PTPRT: variants seen among roughly 807,000 people sequenced by gnomAD.
The protein encoded by PTPRT is protein tyrosine phosphatase receptor type T, also known as receptor-type tyrosine-protein phosphatase T.
In PTPRT, 56 loss-of-function variants were observed where a neutral mutation model predicts 176.8. That is an observed-to-expected ratio of 0.32 (90% confidence interval 0.26 to 0.40). PTPRT has a LOEUF of 0.40. Ranked by LOEUF, PTPRT falls within the 10% of genes least tolerant of loss-of-function variation. The pLI is 1.00. For synonymous variants in PTPRT, 783 were observed against 739.0 expected (o/e 1.06, Z -0.96); for missense variants, 1,540 against 1,908.2 (o/e 0.81, Z 3.60).
intron 6 of PTPRT, among the ~76,000 whole-genome samples, chr20:42,710,393 C>G (rs961379383): frequency 1.3e-5 from 2 of 152,190 alleles, no homozygotes; most frequent in Non-Finnish European, 2.9e-5. Flanking sequence ...CCTGCCCAGC[C>G]TCAGGACACT....
chr20:43,029,005 G>C (rs1986030925), intron 1 of PTPRT, among the ~76,000 whole-genome samples: 1 of 152,142 alleles, frequency 6.6e-6, no homozygotes, highest in South Asian at 2.1e-4. Context: ...GCATCTTCAA[G>C]TCAGGGCAGG....
chr20:42,948,238 G>T (rs1358173092), intron 1 of PTPRT, among the ~76,000 whole-genome samples: 1 of 152,050 alleles, frequency 6.6e-6, no homozygotes, highest in Non-Finnish European at 1.5e-5. Flanking sequence ...CTCAACAACA[G>T]CCTTTTCCCA....
chr20:42,497,312 C>CA (rs1310319758), intron 7 of PTPRT, among the ~76,000 whole-genome samples: 4 of 151,994 alleles, frequency 2.6e-5, no homozygotes, highest in Non-Finnish European at 5.9e-5. Flanking sequence ...TTTTCCCCCC[C>CA]AGAATAAGGC....
At chr20:42,113,312 G>T (rs1330018731) in intron 22 of PTPRT, among the ~76,000 whole-genome samples, 1 of 152,214 alleles carries the variant, frequency 6.6e-6, no homozygotes, top group Non-Finnish European at 1.5e-5. Context: ...CTCCCTGCCC[G>T]TGTCGCCAGT....
intron 2 of PTPRT, among the ~76,000 whole-genome samples, chr20:42,863,891 C>T (rs911016966): frequency 6.6e-6 from 1 of 152,212 alleles, no homozygotes; most frequent in Non-Finnish European, 1.5e-5. Context: ...TCCAGCCCCA[C>T]CTCTGCAGCT....
At chr20:43,106,493 C>T (rs2012608446) in intron 1 of PTPRT, among the ~76,000 whole-genome samples, 1 of 151,746 alleles carries the variant, frequency 6.6e-6, no homozygotes, top group Non-Finnish European at 1.5e-5. Context: ...CCCATCTCTA[C>T]TAAAAATACA....
chr20:42,175,088 T>C (rs1425832934), intron 16 of PTPRT, among the ~76,000 whole-genome samples: 2 of 152,152 alleles, frequency 1.3e-5, no homozygotes, highest in Non-Finnish European at 2.9e-5. Context: ...GAATCCCCTC[T>C]TCCTTCTCCA....
At chr20:42,877,371 G>A (rs200687660) in intron 2 of PTPRT, among the ~76,000 whole-genome samples, 2 of 152,166 alleles carry the variant, frequency 1.3e-5, no homozygotes, top group African/African-American at 2.4e-5. Context: ...AGGAAATGAT[G>A]AGCAGCTGGC....
At chr20:42,547,294 G>A (rs1161472080) in intron 7 of PTPRT, among the ~76,000 whole-genome samples, 1 of 152,104 alleles carries the variant, frequency 6.6e-6, no homozygotes. Context: ...TGGACACCAA[G>A]AAATACTAAA....
At chr20:42,894,903 G>C (rs1451090710) in intron 1 of PTPRT, among the ~76,000 whole-genome samples, 1 of 152,150 alleles carries the variant, frequency 6.6e-6, no homozygotes, top group African/African-American at 2.4e-5. Flanking sequence ...CAGGAAGGCA[G>C]GCACATGCAG....
chr20:43,139,887 A>C (rs1370571972), intron 1 of PTPRT, among the ~76,000 whole-genome samples: 1 of 152,220 alleles, frequency 6.6e-6, no homozygotes, highest in Admixed American at 6.5e-5. Context: ...TTGTACGATA[A>C]GGAGACAAAA....
rs1568774354 is a variant in PTPRT at position 43,083,366 on chromosome 20, ATAT to A, written c.88+106277_88+106279del. On this transcript the variant is annotated intron_variant, in intron 1 of 30. Transcript: ENST00000373187. ...TATATATATATATATATATATATAT[ATAT>A]ACATTTTTTGAGACAGAGTCTCGCT... Among the ~76,000 whole-genome samples the A allele has an allele frequency of 1.1e-3, 126 of 115,916 alleles. 1 individual carries two copies. Among genetic ancestry groups the A allele is most frequent in the Middle Eastern group, 8.7e-3 (2 of 230 alleles). The allele number at this position is 115,916 out of a possible 152,430, so 76.0% of individuals were successfully genotyped here.
At chr20:42,176,896 G>C (rs182419829) in intron 16 of PTPRT, among the ~76,000 whole-genome samples, 3 of 152,138 alleles carry the variant, frequency 2.0e-5, no homozygotes, top group Admixed American at 6.6e-5. Context: ...GTGGATAAAA[G>C]CTTCCTTTCT....
Position 42,648,943 on chromosome 20 carries a change from C to T in PTPRT, c.1153+28923G>A, listed in dbSNP as rs193171873. On this transcript the variant is annotated intron_variant, in intron 7 of 30. Coordinates refer to ENST00000373187, the MANE Select transcript of PTPRT (RefSeq NM_007050.6). ...ATGCCATTCTCCTGCCTCAGCCTCC[C>T]GAGTAGCTGGGACTACAGGCACCTG... is the stretch of plus-strand genomic sequence containing the variant. Among the ~76,000 whole-genome samples the T allele has an allele frequency of 9.3e-4, 141 of 151,518 alleles. 1 individual carries two copies. Among genetic ancestry groups the T allele is most frequent in the African/African-American group, 3.2e-3 (133 of 41,216 alleles).
At chr20:42,396,789 T>A (rs2058854820) in intron 9 of PTPRT, among the ~76,000 whole-genome samples, 1 of 152,178 alleles carries the variant, frequency 6.6e-6, no homozygotes, top group Non-Finnish European at 1.5e-5. Flanking sequence ...ACTCCTGACC[T>A]CATGGTTATC....
At chr20:42,286,021 A>G (rs1439189911) in intron 12 of PTPRT, among the ~76,000 whole-genome samples, 1 of 152,010 alleles carries the variant, frequency 6.6e-6, no homozygotes, top group Non-Finnish European at 1.5e-5. Context: ...CTAGAAATCA[A>G]TTTAACCAAG....
At chr20:42,858,042 C>T (rs1019874242) in intron 2 of PTPRT, among the ~76,000 whole-genome samples, 1 of 152,196 alleles carries the variant, frequency 6.6e-6, no homozygotes, top group African/African-American at 2.4e-5. Context: ...TGGCATATTA[C>T]AGGCCCTCAG....
intron 2 of PTPRT, among the ~76,000 whole-genome samples, chr20:42,879,735 G>A (rs1015586344): frequency 1.4e-5 from 1 of 73,292 alleles, no homozygotes; most frequent in South Asian, 3.4e-4. Flanking sequence ...TGGGTGAAAT[G>A]TGTGTGTGTG....
intron 7 of PTPRT, among the ~76,000 whole-genome samples, chr20:42,597,153 C>T (rs1442742867): frequency 2.0e-5 from 3 of 152,150 alleles, no homozygotes; most frequent in Admixed American, 6.5e-5. Context: ...CATTTCCTTG[C>T]AGCTGCAGAC....
Sources: gnomAD v4.1 joint callset for allele counts (sites outside exome capture counted in the v4.1 genomes callset) on GRCh38, gnomAD v4.1.1 for gene constraint, MANE v1.5 for transcripts, NCBI Gene and HGNC (gene_info 2026-07-23, HGNC 2026-07-21) for gene names.